MYOF: variants seen among roughly 807,000 people sequenced by gnomAD.
MYOF encodes myoferlin, also known as fer-1-like 3, myoferlin.
Under a neutral mutation model 284.2 loss-of-function variants are expected in MYOF, and 244 were observed. The ratio of observed to expected loss-of-function variants is 0.86; its 90% CI spans 0.77 to 0.95. The LOEUF is 0.95. Ranked by LOEUF, MYOF falls within the 40% of genes least tolerant of loss-of-function variation. The probability of loss-of-function intolerance (pLI) is 0.00; values close to 1 mark genes in which losing one functional copy is unlikely to be tolerated. For missense variants in MYOF, 2,496 were observed against 2,560.6 expected, an observed-to-expected ratio of 0.97 and a Z score of 0.54; for synonymous variants, 904 against 919.7, an observed-to-expected ratio of 0.98 and a Z score of 0.31.
At chr10:93,401,294 C>T in intron 12 of MYOF, 124 bp downstream of exon 12, 1 of 1,354,026 alleles carries the variant, frequency 7.4e-7, no homozygotes, top group Non-Finnish European at 1.0e-6. Flanking sequence ...AAAATAAGCC[C>T]ATGAAGCCCT....
intron 5 of MYOF, 93 bp downstream of exon 5, chr10:93,425,978 G>A: frequency 1.5e-6 from 2 of 1,317,968 alleles, no homozygotes; most frequent in Non-Finnish European, 2.1e-6. Flanking sequence ...CTACAGGCTT[G>A]TGATCAATGG....
chr10:93,377,206 A>T, intron 22 of MYOF, 117 bp downstream of exon 22: 1 of 751,092 alleles, frequency 1.3e-6, no homozygotes, highest in Non-Finnish European at 2.2e-6. Flanking sequence ...AAGTTTGAAT[A>T]ATTCAAAATC....
intron 22 of MYOF, 30 bp from the exon 23 acceptor site, chr10:93,374,985 G>A (rs1845769821): frequency 6.3e-7 from 1 of 1,590,774 alleles, no homozygotes; most frequent in Non-Finnish European, 8.6e-7. Flanking sequence ...AAGAAACAGA[G>A]GATTTGAAGA....
intron 43 of MYOF, among the ~76,000 whole-genome samples, chr10:93,332,704 G>A (rs1200013365): frequency 3.3e-5 from 5 of 151,986 alleles, no homozygotes; most frequent in Non-Finnish European, 4.4e-5. Flanking sequence ...AAAATTAGCC[G>A]GGCGTGGTGG....
At chr10:93,394,755 C>G (rs1466028939) in intron 16 of MYOF, among the ~76,000 whole-genome samples, 1 of 148,556 alleles carries the variant, frequency 6.7e-6, no homozygotes. Context: ...CCACTGGGCC[C>G]GGCCACCACC....
At chr10:93,475,358 C>G (rs2057236533) in intron 1 of MYOF, among the ~76,000 whole-genome samples, 1 of 152,176 alleles carries the variant, frequency 6.6e-6, no homozygotes, top group African/African-American at 2.4e-5. Context: ...CAACATAAAA[C>G]TGGCAGCTTC....
intron 49 of MYOF, among the ~76,000 whole-genome samples, chr10:93,319,216 G>A (rs924504501): frequency 1.3e-4 from 20 of 152,228 alleles, no homozygotes; most frequent in African/African-American, 4.8e-4. Context: ...GACAGGATGT[G>A]AGCTGAGGCT....
intron 1 of MYOF, among the ~76,000 whole-genome samples, chr10:93,469,894 G>A (rs1259391787): frequency 1.6e-4 from 25 of 152,122 alleles, no homozygotes; most frequent in Non-Finnish European, 2.9e-5. Flanking sequence ...TCTCAAGTGA[G>A]GACTTCTTTC....
chr10:93,323,619 C>T (rs117790322), intron 46 of MYOF: 9,135 of 460,470 alleles, frequency 0.02, 123 homozygotes, highest in Non-Finnish European at 0.027. Context: ...GTCTGGGTCT[C>T]GCCTGGTTAA....
chr10:93,381,462 C>T, intron 19 of MYOF, 66 bp from the exon 20 acceptor site: 1 of 1,517,946 alleles, frequency 6.6e-7, no homozygotes, highest in South Asian at 1.2e-5. Context: ...ATGTGGATTT[C>T]TAGGAGACGC....
At chr10:93,387,987 A>C in intron 18 of MYOF, 74 bp from the exon 19 acceptor site, 1 of 1,180,088 alleles carries the variant, frequency 8.5e-7, no homozygotes, top group South Asian at 1.2e-5. Flanking sequence ...TAGTCAGGCT[A>C]ATACAACTGC....
Position 93,323,093 on chromosome 10 carries a change from T to C in MYOF, c.5441A>G (p.Asp1814Gly). 1 of 1,613,914 alleles carries C rather than the reference T, an allele frequency of 6.2e-7. No homozygotes were observed. The highest frequency in any genetic ancestry group is 8.5e-7 in the Non-Finnish European group (1 of 1,179,740). The change falls in exon 48 of 54, where the codon GAC (aspartate) becomes GGC (glycine). Residue 1814 changes from aspartate (D) to glycine (G), a missense_variant. Physicochemically the swap from Asp to Gly is moderately conservative, Grantham distance 94. Transcript: ENST00000359263. ...CTAACCTTACCCTTTGACGTAGATG[T>C]CACTCATTTCCTCTCCTGTGATGCT... ...EKSITGEEMS[D>G]IYVKGWIPGN...
intron 39 of MYOF, among the ~76,000 whole-genome samples, chr10:93,339,806 G>A (rs941911947): frequency 6.6e-6 from 1 of 151,906 alleles, no homozygotes; most frequent in South Asian, 2.1e-4. Flanking sequence ...CAGGCTGGGC[G>A]CAGTGGCTCA....
chr10:93,343,497 T>C (rs923041207), intron 38 of MYOF, among the ~76,000 whole-genome samples: 1 of 152,240 alleles, frequency 6.6e-6, no homozygotes, highest in African/African-American at 2.4e-5. Context: ...TTTCTCAGAC[T>C]GTCCACACCT....
intron 4 of MYOF, among the ~76,000 whole-genome samples, chr10:93,430,771 A>G (rs1319113049): frequency 6.6e-6 from 1 of 152,104 alleles, no homozygotes; most frequent in African/African-American, 2.4e-5. Flanking sequence ...ACTCTATAGA[A>G]TTATCTCATA....
At chr10:93,476,896 G>A (rs1317361195) in intron 1 of MYOF, among the ~76,000 whole-genome samples, 1 of 152,170 alleles carries the variant, frequency 6.6e-6, no homozygotes, top group Non-Finnish European at 1.5e-5. Flanking sequence ...GACAGTAGCA[G>A]TAGCCATTCC....
intron 3 of MYOF, among the ~76,000 whole-genome samples, chr10:93,448,017 A>G (rs555694043): frequency 9.2e-5 from 14 of 152,302 alleles, no homozygotes; most frequent in African/African-American, 3.4e-4. Context: ...TGAAATCCAA[A>G]GCCCGTGCCT....
At chr10:93,456,154 A>T (rs997449950) in intron 2 of MYOF, among the ~76,000 whole-genome samples, 54 of 152,220 alleles carry the variant, frequency 3.5e-4, no homozygotes, top group African/African-American at 1.2e-3. Context: ...CTTTTGAATT[A>T]TTAAAATAAT....
intron 19 of MYOF, among the ~76,000 whole-genome samples, chr10:93,384,356 T>C (rs1846260329): frequency 6.6e-6 from 1 of 152,106 alleles, no homozygotes; most frequent in Non-Finnish European, 1.5e-5. Context: ...TAATATAAAT[T>C]GGGCTGGGCG....
Sources: allele counts gnomAD v4.1 joint callset (sites outside exome capture counted in the v4.1 genomes callset), GRCh38; gene constraint gnomAD v4.1.1; transcripts MANE v1.5; gene names NCBI Gene and HGNC (gene_info 2026-07-23, HGNC 2026-07-21).